Variants in LHFPL6 observed in about 807,000 individuals in gnomAD.
LHFPL6 encodes the protein LHFPL tetraspan subfamily member 6 protein.
LHFPL6 carries 9 observed loss-of-function variants against 20.6 expected under a neutral mutation model. The ratio of observed to expected loss-of-function variants is 0.44; its 90% confidence interval spans 0.26 to 0.76. LHFPL6 has a LOEUF of 0.76. Ranked by LOEUF, LHFPL6 falls within the 30% of genes least tolerant of loss-of-function variation. The probability of loss-of-function intolerance (pLI) is 0.20; values close to 1 mark genes in which losing one functional copy is unlikely to be tolerated. For synonymous variants in LHFPL6, 105 were observed against 98.7 expected (o/e 1.06, Z -0.38); for missense variants, 218 against 253.5 (o/e 0.86, Z 0.95).
chr13:39,523,135 T>C (rs956547272), intron 2 of LHFPL6, among the ~76,000 whole-genome samples: 5 of 152,208 alleles, frequency 3.3e-5, no homozygotes, highest in Admixed American at 2.0e-4. Context: ...TATATAATAT[T>C]ATGCTTTACG....
At position 39,533,132 on chromosome 13, in the gene LHFPL6, G is replaced by A. The variant is rs562401307; in HGVS notation, c.385+67700C>T. Among the ~76,000 whole-genome samples, 32 of 152,280 alleles carry A rather than the reference G, an allele frequency of 2.1e-4. 1 individual carries two copies. The South Asian group carries it at 6.6e-3, about 32-fold the overall frequency. ...TGGACTCTAGACTGCTCTAAAACTA[G>A]TCATTTGTATCTCCAATATTTGATT... is the stretch of plus-strand genomic sequence containing the variant. On this transcript the variant is annotated intron_variant, in intron 2 of 3. Coordinates refer to ENST00000379589, the MANE Select transcript of LHFPL6 (RefSeq NM_005780.3).
chr13:39,562,120 C>A (rs961519426), intron 2 of LHFPL6, among the ~76,000 whole-genome samples: 7 of 151,998 alleles, frequency 4.6e-5, no homozygotes, highest in Admixed American at 1.3e-4. Context: ...TTGCCCCAGG[C>A]AGGATTAGCA....
intron 2 of LHFPL6, among the ~76,000 whole-genome samples, chr13:39,529,475 AT>A (rs1206412960): frequency 6.6e-6 from 1 of 152,176 alleles, no homozygotes; most frequent in Non-Finnish European, 1.5e-5. Flanking sequence ...AGTTCCTACT[AT>A]GTTCAAAGTC....
intron 2 of LHFPL6, among the ~76,000 whole-genome samples, chr13:39,390,795 G>C (rs1870688215): frequency 6.6e-6 from 1 of 152,138 alleles, no homozygotes; most frequent in African/African-American, 2.4e-5. Context: ...AGGAGTTCGA[G>C]ACCAGTCTGG....
chr13:39,517,156 AG>A (rs1202874168), intron 2 of LHFPL6, among the ~76,000 whole-genome samples: 3 of 152,234 alleles, frequency 2.0e-5, no homozygotes, highest in Admixed American at 6.5e-5. Context: ...TGTGGACCGT[AG>A]GGGGGTAATG....
At chr13:39,387,718 A>G (rs1870603137) in intron 2 of LHFPL6, among the ~76,000 whole-genome samples, 1 of 152,076 alleles carries the variant, frequency 6.6e-6, no homozygotes, top group African/African-American at 2.4e-5. Flanking sequence ...CTCTTCTCCA[A>G]TGCCTCCCAA....
Position 39,470,110 on chromosome 13 carries a change from T to A in LHFPL6, c.386-91584A>T, listed in dbSNP as rs116196599. On this transcript the variant is annotated intron_variant, in intron 2 of 3. Transcript: ENST00000379589. Reference sequence around the variant, plus strand: ...TCCACTCGCTTAAAAAATATATATATATAAGCCACAGAAAGTCAAAATAGG... The same window carrying A: ...TCCACTCGCTTAAAAAATATATATAAATAAGCCACAGAAAGTCAAAATAGG... Among the ~76,000 whole-genome samples, 763 of 152,302 alleles carry A rather than the reference T, an allele frequency of 5.0e-3. 7 individuals carry two copies. Among genetic ancestry groups the A allele is most frequent in the African/African-American group, 0.017 (727 of 41,564 alleles).
chr13:39,540,714 G>T (rs1870770737), intron 2 of LHFPL6, among the ~76,000 whole-genome samples: 1 of 152,060 alleles, frequency 6.6e-6, no homozygotes. Context: ...ACTTCCCTAA[G>T]AGTTGAAACA....
intron 2 of LHFPL6, among the ~76,000 whole-genome samples, chr13:39,385,986 T>C (rs1415903651): frequency 6.6e-6 from 1 of 152,216 alleles, no homozygotes; most frequent in Non-Finnish European, 1.5e-5. Context: ...CTTGGCCCCT[T>C]GAGTGGTCAC....
intron 2 of LHFPL6, among the ~76,000 whole-genome samples, chr13:39,596,004 T>C (rs1872760040): frequency 6.6e-6 from 1 of 152,158 alleles, no homozygotes; most frequent in Admixed American, 6.5e-5. Context: ...TTACTGAAAA[T>C]CCACTGCATG....
intron 3 of LHFPL6, among the ~76,000 whole-genome samples, chr13:39,377,183 C>T (rs980256725): frequency 2.0e-5 from 3 of 152,174 alleles, no homozygotes; most frequent in African/African-American, 7.2e-5. Context: ...CATACTTTTC[C>T]AGAACAATCC....
intron 2 of LHFPL6, among the ~76,000 whole-genome samples, chr13:39,517,871 C>G (rs1003084546): frequency 3.3e-5 from 5 of 152,138 alleles, no homozygotes; most frequent in African/African-American, 1.2e-4. Flanking sequence ...TCACAGTAGT[C>G]CAGATTTAGA....
rs1390567845 is a variant in LHFPL6, at chr13:39,343,815, T to C, written c.*121A>G. On this transcript the variant is annotated 3_prime_UTR_variant, in exon 4 of 4. Transcript: ENST00000379589. ...ATGTTCCTGATTTTATCGGGTTTCA[T>C]TTTATTAGCATTGTATTGGATTAGA... 1 of 623,526 alleles carries C rather than the reference T, an allele frequency of 1.6e-6. No individual in the cohort carries two copies. The highest frequency in any genetic ancestry group is 1.8e-5 in the African/African-American group (1 of 54,766). 38.6% of individuals were successfully genotyped at this position (623,526 alleles called of 1,614,324 possible).
intron 2 of LHFPL6, among the ~76,000 whole-genome samples, chr13:39,556,653 T>C (rs1255618298): frequency 2.0e-5 from 3 of 152,076 alleles, no homozygotes; most frequent in Non-Finnish European, 4.4e-5. Flanking sequence ...TGACTTCAAA[T>C]TGGAATTTAT....
At chr13:39,576,092 C>A (rs1380254443) in intron 2 of LHFPL6, among the ~76,000 whole-genome samples, 1 of 152,208 alleles carries the variant, frequency 6.6e-6, no homozygotes, top group African/African-American at 2.4e-5. Flanking sequence ...CTTACCTCTT[C>A]CTGGGACCAG....
intron 2 of LHFPL6, among the ~76,000 whole-genome samples, chr13:39,399,162 C>T (rs1249764292): frequency 6.6e-6 from 1 of 152,190 alleles, no homozygotes; most frequent in African/African-American, 2.4e-5. Flanking sequence ...TTTCAACATA[C>T]ATGTTTGTAA....
chr13:39,391,764 GAAAC>G (rs1870713911), intron 2 of LHFPL6, among the ~76,000 whole-genome samples: 4 of 151,928 alleles, frequency 2.6e-5, no homozygotes, highest in Admixed American at 2.6e-4. Flanking sequence ...TCACTTAAAA[GAAAC>G]AATTCTTTAA....
Position 39,494,751 on chromosome 13 carries a change from T to C in LHFPL6, c.385+106081A>G, listed in dbSNP as rs535696378. On this transcript the variant is annotated intron_variant, in intron 2 of 3. Transcript: ENST00000379589. ...TTAAGCTCTATAGTCATTTAAGATTTAATTGGAATCAAATGTGCCACACTT... is the reference window on the plus strand; with the variant it reads ...TTAAGCTCTATAGTCATTTAAGATTCAATTGGAATCAAATGTGCCACACTT... 3.9e-5 allele frequency among the ~76,000 whole-genome samples: 6 copies of C among 152,318 alleles called. No homozygotes were observed. The East Asian group carries it at 1.2e-3, about 29-fold the overall frequency.
chr13:39,453,538 AT>A (rs1872502076), intron 2 of LHFPL6, among the ~76,000 whole-genome samples: 1 of 152,234 alleles, frequency 6.6e-6, no homozygotes, highest in African/African-American at 2.4e-5. Flanking sequence ...TGATTATCTC[AT>A]TTAAATTTCA....
Sources: gnomAD v4.1 joint callset for allele counts (sites outside exome capture counted in the v4.1 genomes callset) on GRCh38, gnomAD v4.1.1 for gene constraint, MANE v1.5 for transcripts, NCBI Gene and HGNC (gene_info 2026-07-23, HGNC 2026-07-21) for gene names.